The following C8orf90 variants were observed in gnomAD, a reference collection of about 807,000 sequenced individuals.
C8orf90 encodes chromosome 8 open reading frame 90.
At chr8:141,518,506 C>A in the C8orf90 span, 2 of 609,582 alleles carry the variant, frequency 3.3e-6, no homozygotes, top group South Asian at 3.6e-5. Context: ...GCGGCCCCTG[C>A]ACGCCACGGC....
chr8:141,515,514 T>C, the C8orf90 span, among the ~76,000 whole-genome samples: 9 of 150,854 alleles, frequency 6.0e-5, no homozygotes, highest in African/African-American at 1.7e-4. Flanking sequence ...GATTTTGTCC[T>C]CTCACCCAGC....
chr8:141,518,572 G>T, the C8orf90 span: 1 of 425,390 alleles, frequency 2.4e-6, no homozygotes, highest in Non-Finnish European at 4.0e-6. Context: ...CTGCGCCCGC[G>T]CGCGGGGCCC....
At chr8:141,518,014 G>C in the C8orf90 span, among the ~76,000 whole-genome samples, 1 of 152,334 alleles carries the variant, frequency 6.6e-6, no homozygotes, top group African/African-American at 2.4e-5. Context: ...TGCTGTTGCT[G>C]TTCCCTCAGA....
At chr8:141,514,724 A>G in the C8orf90 span, 1 of 701,690 alleles carries the variant, frequency 1.4e-6, no homozygotes, top group African/African-American at 1.7e-5. Context: ...TGGGACCCCC[A>G]GCCCAGCAGG....
chr8:141,516,810 T>C, the C8orf90 span, among the ~76,000 whole-genome samples: 1 of 152,196 alleles, frequency 6.6e-6, no homozygotes, highest in Non-Finnish European at 1.5e-5. Context: ...GGTGCTGATT[T>C]AGGAAAGTAC....
chr8:141,514,792 G>A, the C8orf90 span: 1 of 700,050 alleles, frequency 1.4e-6, no homozygotes, highest in South Asian at 1.5e-5. Flanking sequence ...GAGGGGAATG[G>A]ACGGGAAGGG....
chr8:141,518,246 C>A, the C8orf90 span: 3 of 629,094 alleles, frequency 4.8e-6, no homozygotes, highest in South Asian at 4.9e-5. Flanking sequence ...CCCGCCTTCC[C>A]GGACATCTAC....
chr8:141,518,575 CG>C, the C8orf90 span: 3 of 423,512 alleles, frequency 7.1e-6, no homozygotes, highest in South Asian at 6.2e-5. Context: ...CGCCCGCGCG[CG>C]GGGCCCGGGC....
At chr8:141,514,959 C>T in the C8orf90 span, among the ~76,000 whole-genome samples, 8 of 152,132 alleles carry the variant, frequency 5.3e-5, no homozygotes, top group African/African-American at 1.9e-4. Context: ...CTGTAAAGGT[C>T]CTTCTCCTCC....
At chr8:141,516,486 C>A in the C8orf90 span, among the ~76,000 whole-genome samples, 2 of 152,176 alleles carry the variant, frequency 1.3e-5, no homozygotes, top group Non-Finnish European at 2.9e-5. Flanking sequence ...GATGCGCCGG[C>A]AGCACACGGC....
chr8:141,514,757 A>G, the C8orf90 span: 1 of 700,256 alleles, frequency 1.4e-6, no homozygotes, highest in Admixed American at 2.0e-5. Context: ...TTCTGTAGCC[A>G]CTCCAGGCGA....
chr8:141,515,992 G>A, the C8orf90 span, among the ~76,000 whole-genome samples: 4 of 152,118 alleles, frequency 2.6e-5, no homozygotes, highest in African/African-American at 9.7e-5. Flanking sequence ...CTGAGAAGCT[G>A]AAGGCATTGG....
At chr8:141,518,283 G>A in the C8orf90 span, 1 of 660,780 alleles carries the variant, frequency 1.5e-6, no homozygotes, top group Non-Finnish European at 2.7e-6. Context: ...TCTGGGAGGC[G>A]CATTTCCGCG....
the C8orf90 span, chr8:141,514,890 T>G: frequency 1.6e-6 from 1 of 624,902 alleles, no homozygotes; most frequent in Non-Finnish European, 2.9e-6. Context: ...GCCAAGGTCA[T>G]GAAGGAGAGT....
At chr8:141,518,191 C>A in the C8orf90 span, 5 of 546,324 alleles carry the variant, frequency 9.2e-6, no homozygotes, top group African/African-American at 6.1e-5. Context: ...CCCTGCCGGG[C>A]GTTCACTGTC....
At chr8:141,518,671 T>A in the C8orf90 span, 1 of 543,480 alleles carries the variant, frequency 1.8e-6, no homozygotes, top group Non-Finnish European at 3.2e-6. Context: ...ACCCCCAGGC[T>A]GGCCCAGGCC....
chr8:141,515,529 C>T, the C8orf90 span, among the ~76,000 whole-genome samples: 1 of 151,822 alleles, frequency 6.6e-6, no homozygotes, highest in Non-Finnish European at 1.5e-5. Flanking sequence ...CCCAGCCACC[C>T]ACCCGACAAA....
At chr8:141,518,150 C>T in the C8orf90 span, 79,931 of 529,882 alleles carry the variant, frequency 0.15, 7,845 homozygotes, top group South Asian at 0.33. Flanking sequence ...CCTGGTCTCC[C>T]GCCTGCGCGG....
At chr8:141,517,841 C>T in the C8orf90 span, among the ~76,000 whole-genome samples, 49 of 152,216 alleles carry the variant, frequency 3.2e-4, no homozygotes, top group Non-Finnish European at 6.5e-4. Flanking sequence ...CCCAAGCTGG[C>T]CACTGTCTTC....
Sources: allele counts gnomAD v4.1 joint callset (sites outside exome capture counted in the v4.1 genomes callset), GRCh38; gene constraint gnomAD v4.1.1; transcripts MANE v1.5; gene names NCBI Gene and HGNC (gene_info 2026-07-23, HGNC 2026-07-21).